The following SEMA3C variants were observed in gnomAD, a reference collection of about 807,000 sequenced individuals.
SEMA3C encodes semaphorin 3C.
Under a neutral mutation model 89.4 loss-of-function variants are expected in SEMA3C, and 47 were observed. The observed-to-expected ratio is 0.53, with a 90% confidence interval of 0.42 to 0.67. SEMA3C has a LOEUF of 0.67. SEMA3C is among the 30% of genes least tolerant of loss of function. The pLI, the probability that SEMA3C is intolerant of heterozygous loss-of-function variation, is 0.00. For missense variants in SEMA3C, 839 were observed against 929.1 expected (o/e 0.90, Z 1.26); for synonymous variants, 310 against 320.2 (o/e 0.97, Z 0.34).
At chr7:80,790,455 T>A (rs1788910971) in intron 11 of SEMA3C, among the ~76,000 whole-genome samples, 2 of 152,186 alleles carry the variant, frequency 1.3e-5, no homozygotes. Context: ...CCATTCATTA[T>A]CCTTAGAATA....
At chr7:80,919,431 C>G (rs930141165), upstream of SEMA3C, 3 of 956,662 alleles carry the variant, frequency 3.1e-6, no homozygotes, top group Non-Finnish European at 3.7e-6. Context: ...CAGGCTTTGC[C>G]TGGCCGTAAA....
Position 80,905,860 on chromosome 7 carries a change from C to A in SEMA3C, c.103+10819G>T, listed in dbSNP as rs532452561. The A allele has an allele frequency of 2.0e-4, 262 of 1,289,654 alleles. 1 individual carries two copies. The Middle Eastern group carries it at 6.6e-3, about 33-fold the overall frequency. 79.9% of individuals were successfully genotyped at this position (1,289,654 alleles called of 1,614,324 possible). ...AGGTGGTTGCTGAGGACCAAATTCACGCCACACTTCTTTTTGTACCCACAG... is the reference window on the plus strand; with the variant it reads ...AGGTGGTTGCTGAGGACCAAATTCAAGCCACACTTCTTTTTGTACCCACAG... On this transcript the variant is annotated intron_variant, in intron 2 of 17. Transcript: ENST00000265361.
At chr7:80,857,978 T>C (rs890543274) in intron 2 of SEMA3C, among the ~76,000 whole-genome samples, 4 of 152,116 alleles carry the variant, frequency 2.6e-5, no homozygotes, top group African/African-American at 7.2e-5. Flanking sequence ...ACCTTTTTTT[T>C]CCATACCAAA....
rs188534020 is a variant in SEMA3C, at chr7:80,806,172, T to C, written c.539-414A>G. 2.7e-3 allele frequency among the ~76,000 whole-genome samples: 412 copies of C among 152,274 alleles called. 2 individuals are homozygous for C. Among genetic ancestry groups the C allele is most frequent in the African/African-American group, 9.6e-3 (398 of 41,590 alleles). On this transcript the variant is annotated intron_variant, in intron 6 of 17. Transcript: ENST00000265361. ...TGTAAGAGTCAGAAAACATGGTTTC[T>C]AACTTTGGTAATCCCTAACAAGCTG...
intron 12 of SEMA3C, among the ~76,000 whole-genome samples, chr7:80,773,617 G>A (rs1358761436): frequency 2.0e-5 from 3 of 152,160 alleles, no homozygotes; most frequent in Non-Finnish European, 4.4e-5. Context: ...TTCTGTCTGG[G>A]AACAATCTCA....
chr7:80,810,304 C>T (rs1789437325), intron 6 of SEMA3C, among the ~76,000 whole-genome samples: 1 of 151,844 alleles, frequency 6.6e-6, no homozygotes, highest in African/African-American at 2.4e-5. Context: ...GTTAATACTA[C>T]AAACAATTAC....
In SEMA3C at chr7:80,916,727, C is replaced by T. The variant is rs765833511; in HGVS notation, c.55G>A (p.Val19Met). 1.2e-6 allele frequency: 2 copies of T among 1,613,714 alleles called. No homozygotes were observed. Among genetic ancestry groups the T allele is most frequent in the African/African-American group, 2.7e-5 (2 of 75,000 alleles). ...GCTTGGGGCTGGGAAGATCCTTTCA[C>T]ACAGATAGAACAAATAAATACTCCA... Reference protein sequence around the residue: ...LVGVFICSICVKGSSQPQARV... With the variant: ...LVGVFICSICMKGSSQPQARV... The change falls in exon 2 of 18, where the codon GTG (valine) becomes ATG (methionine). Residue 19 changes from valine (V) to methionine (M), a missense_variant. Val to Met is a conservative substitution (Grantham distance 21). Coordinates refer to ENST00000265361, the MANE Select transcript of SEMA3C (RefSeq NM_006379.5).
chr7:80,880,830 C>G (rs1487130085), intron 2 of SEMA3C, among the ~76,000 whole-genome samples: 1 of 152,100 alleles, frequency 6.6e-6, no homozygotes, highest in Non-Finnish European at 1.5e-5. Context: ...GAGGCTGAGA[C>G]AGAAGAATCG....
chr7:80,772,619 T>C (rs1271690845), intron 12 of SEMA3C, among the ~76,000 whole-genome samples: 1 of 152,126 alleles, frequency 6.6e-6, no homozygotes, highest in Non-Finnish European at 1.5e-5. Context: ...CATCTAATCA[T>C]CTTCCCAAGA....
At position 80,870,122 on chromosome 7, in the gene SEMA3C, C is replaced by A. The variant is rs867967452; in HGVS notation, c.104-41377G>T. Among the ~76,000 whole-genome samples, 8 of 152,262 alleles carry A rather than the reference C, an allele frequency of 5.3e-5. No individual in the cohort carries two copies. In the East Asian group the frequency reaches 1.4e-3, roughly 26 times the overall value. ...TCTCTCATCTTATGTTTCCACTGCA[C>A]GGCTTCTTACTGTGTGCTACATGAG... On this transcript the variant is annotated intron_variant, in intron 2 of 17. Transcript: ENST00000265361.
intron 2 of SEMA3C, among the ~76,000 whole-genome samples, chr7:80,861,846 C>G (rs184937258): frequency 6.6e-6 from 1 of 152,070 alleles, no homozygotes; most frequent in East Asian, 1.9e-4. Flanking sequence ...CAAAATCACA[C>G]GATCATCTCA....
intron 2 of SEMA3C, among the ~76,000 whole-genome samples, chr7:80,886,832 A>C (rs1303114112): frequency 6.6e-6 from 1 of 152,210 alleles, no homozygotes; most frequent in Non-Finnish European, 1.5e-5. Context: ...TAAATTATGA[A>C]TAATATGACC....
intron 5 of SEMA3C, among the ~76,000 whole-genome samples, chr7:80,813,624 T>C (rs1370519785): frequency 4.6e-5 from 7 of 152,222 alleles, no homozygotes; most frequent in African/African-American, 1.4e-4. Context: ...TTGGATTTCA[T>C]TGCTTTGGAT....
intron 17 of SEMA3C, among the ~76,000 whole-genome samples, chr7:80,747,611 A>C (rs2117024863): frequency 6.6e-6 from 1 of 152,318 alleles, no homozygotes; most frequent in Middle Eastern, 3.4e-3. Context: ...TATAATCCAT[A>C]TCCATTCAAA....
At chr7:80,919,481 AG>A (rs1360991810), upstream of SEMA3C, 6 of 679,926 alleles carry the variant, frequency 8.8e-6, no homozygotes, top group Admixed American at 3.8e-4. Flanking sequence ...TATTTTTGCC[AG>A]GGAAGGATCA....
intron 2 of SEMA3C, among the ~76,000 whole-genome samples, chr7:80,912,820 C>T (rs1792183080): frequency 6.6e-6 from 1 of 152,110 alleles, no homozygotes; most frequent in African/African-American, 2.4e-5. Context: ...CTTGGGCAAC[C>T]ACAACAAAAA....
At chr7:80,824,728 G>A (rs182423111) in intron 4 of SEMA3C, among the ~76,000 whole-genome samples, 44 of 152,208 alleles carry the variant, frequency 2.9e-4, no homozygotes, top group Admixed American at 1.4e-3. Flanking sequence ...ATCAGACAAA[G>A]ACCATCCCAC....
Position 80,743,985 on chromosome 7 carries a change from T to A in SEMA3C, c.*909A>T, listed in dbSNP as rs1787739950. On this transcript the variant is annotated 3_prime_UTR_variant, in exon 18 of 18. Transcript: ENST00000265361. ...AAAAATTAGTAGTTTCTACTTTGAT[T>A]TTTCTTTTTGATGATTTCACACCTT... 6.6e-6 allele frequency: 1 copy of A among 152,034 alleles called. No individual in the cohort carries two copies. The highest frequency in any genetic ancestry group is 2.4e-5 in the African/African-American group (1 of 41,440). The allele number at this position is 152,034 out of a possible 1,614,324, so 9.4% of individuals were successfully genotyped here.
At chr7:80,852,564 T>G (rs1790538601) in intron 2 of SEMA3C, among the ~76,000 whole-genome samples, 1 of 152,078 alleles carries the variant, frequency 6.6e-6, no homozygotes, top group African/African-American at 2.4e-5. Flanking sequence ...AGAAAATATT[T>G]GCAGACTATA....
Sources: allele counts gnomAD v4.1 joint callset (sites outside exome capture counted in the v4.1 genomes callset), GRCh38; gene constraint gnomAD v4.1.1; transcripts MANE v1.5; gene names NCBI Gene and HGNC (gene_info 2026-07-23, HGNC 2026-07-21).